PVT1: variants seen among roughly 807,000 people sequenced by gnomAD.
The protein encoded by PVT1 is CXCR4/PVT1 fusion.
chr8:128,007,130 G>A (rs76253991), intron 4 of PVT1, among the ~76,000 whole-genome samples: 1,652 of 152,318 alleles, frequency 0.011, 33 homozygotes, highest in African/African-American at 0.038. Context: ...TAAAAGAGAC[G>A]AAGGGACACG....
intron 2 of PVT1, among the ~76,000 whole-genome samples, chr8:127,874,878 G>A (rs1289479110): frequency 6.6e-6 from 1 of 151,368 alleles, no homozygotes. Context: ...CCCTTCCCTC[G>A]CTCTGCAGTC....
intron 4 of PVT1, among the ~76,000 whole-genome samples, chr8:128,010,004 T>C (rs1012808359): frequency 6.6e-6 from 1 of 152,128 alleles, no homozygotes; most frequent in Admixed American, 6.5e-5. Flanking sequence ...TGCTAAGAGT[T>C]AGAATAGATT....
At position 128,057,222 on chromosome 8, in the gene PVT1, T is replaced by C. The variant is rs929838915; in HGVS notation, n.913-12938T>C. Among the ~76,000 whole-genome samples the C allele has an allele frequency of 3.0e-4, 45 of 152,158 alleles. 1 individual carries two copies. The highest frequency in any genetic ancestry group is 8.2e-4 in the African/African-American group (34 of 41,422). ...CACTAAGAAAATTACAACTGCTCTT[T>C]ATTGAGCATTAATACTGTATACAAA... On this transcript the variant is annotated intron_variant and non_coding_transcript_variant, in intron 4 of 10. Transcript: ENST00000651587.
At chr8:127,973,614 G>C (rs1234111200) in intron 3 of PVT1, among the ~76,000 whole-genome samples, 1 of 151,176 alleles carries the variant, frequency 6.6e-6, no homozygotes, top group Admixed American at 6.6e-5. Context: ...GGTCCCACCT[G>C]ATGGAAAACT....
chr8:127,857,853 A>G (rs1041103680), intron 2 of PVT1, among the ~76,000 whole-genome samples: 3 of 152,238 alleles, frequency 2.0e-5, no homozygotes, highest in Admixed American at 6.5e-5. Flanking sequence ...ATATTAAATC[A>G]TTTGTGTTTT....
At chr8:127,938,095 G>A (rs991611155) in intron 3 of PVT1, among the ~76,000 whole-genome samples, 2 of 152,022 alleles carry the variant, frequency 1.3e-5, no homozygotes, top group African/African-American at 4.8e-5. Context: ...TCCTTGGGAT[G>A]TTCACAAGGA....
At chr8:127,989,608 C>G (rs753595522) in intron 4 of PVT1, among the ~76,000 whole-genome samples, 7 of 152,062 alleles carry the variant, frequency 4.6e-5, no homozygotes, top group African/African-American at 1.7e-4. Context: ...CATGTGGAGA[C>G]AGCCTTGGGG....
chr8:127,881,399 A>G (rs1362211738), intron 2 of PVT1, among the ~76,000 whole-genome samples: 2 of 146,296 alleles, frequency 1.4e-5, no homozygotes, highest in East Asian at 3.9e-4. Flanking sequence ...TTTCTGAGAT[A>G]ATAATAATAA....
intron 3 of PVT1, among the ~76,000 whole-genome samples, chr8:127,977,223 G>A (rs185725609): frequency 1.6e-4 from 24 of 152,168 alleles, no homozygotes; most frequent in Non-Finnish European, 2.8e-4. Context: ...CAGAAATAAG[G>A]ATGTGCAGTA....
At chr8:127,848,195 A>G (rs1193723901) in intron 2 of PVT1, among the ~76,000 whole-genome samples, 1 of 152,224 alleles carries the variant, frequency 6.6e-6, no homozygotes, top group Non-Finnish European at 1.5e-5. Context: ...AGTTCTTATC[A>G]CATGTCAAGG....
At chr8:127,945,265 C>T (rs781670624) in intron 3 of PVT1, among the ~76,000 whole-genome samples, 2 of 152,098 alleles carry the variant, frequency 1.3e-5, no homozygotes, top group Non-Finnish European at 2.9e-5. Flanking sequence ...CTTTCTTGGT[C>T]ACTTATGTGA....
At chr8:127,913,282 A>G (rs1056948879) in intron 3 of PVT1, among the ~76,000 whole-genome samples, 5 of 152,158 alleles carry the variant, frequency 3.3e-5, no homozygotes, top group Admixed American at 2.0e-4. Context: ...CCCATCAGCC[A>G]TGCATTCCTC....
chr8:127,908,403 G>A (rs538810327), intron 3 of PVT1, among the ~76,000 whole-genome samples: 6 of 149,888 alleles, frequency 4.0e-5, no homozygotes, highest in South Asian at 2.1e-4. Flanking sequence ...GTACAGTGGC[G>A]TGATATTGAC....
At chr8:127,904,783 G>A (rs1287989931) in intron 3 of PVT1, among the ~76,000 whole-genome samples, 1 of 152,218 alleles carries the variant, frequency 6.6e-6, no homozygotes, top group Non-Finnish European at 1.5e-5. Flanking sequence ...GGCCAGGCTG[G>A]CTACATAATA....
At chr8:127,930,430 A>G (rs576486090) in intron 3 of PVT1, among the ~76,000 whole-genome samples, 17 of 152,280 alleles carry the variant, frequency 1.1e-4, no homozygotes, top group African/African-American at 4.1e-4. Context: ...AAGTGCTGAG[A>G]TTAGAGGCGT....
intron 3 of PVT1, among the ~76,000 whole-genome samples, chr8:127,915,707 C>G (rs970306003): frequency 6.6e-6 from 1 of 152,000 alleles, no homozygotes; most frequent in Non-Finnish European, 1.5e-5. Context: ...TTCATTAGCC[C>G]CATTCTACAG....
At chr8:127,913,181 C>T (rs777490684) in intron 3 of PVT1, among the ~76,000 whole-genome samples, 4 of 152,194 alleles carry the variant, frequency 2.6e-5, no homozygotes, top group Non-Finnish European at 5.9e-5. Context: ...CTTTGAAGCT[C>T]AGCTCCTTGT....
chr8:128,072,153 G>A (rs1389131044), intron 5 of PVT1, among the ~76,000 whole-genome samples: 1 of 152,152 alleles, frequency 6.6e-6, no homozygotes, highest in East Asian at 1.9e-4. Flanking sequence ...AAAAGCTTCT[G>A]GCTCCGAAAC....
At chr8:127,999,727 G>T (rs571329672) in intron 4 of PVT1, among the ~76,000 whole-genome samples, 9 of 152,356 alleles carry the variant, frequency 5.9e-5, no homozygotes, top group African/African-American at 2.2e-4. Flanking sequence ...CTCCCGAAGT[G>T]CTGGGGTTAC....
Sources: gnomAD v4.1 joint callset for allele counts (sites outside exome capture counted in the v4.1 genomes callset) on GRCh38, gnomAD v4.1.1 for gene constraint, MANE v1.5 for transcripts, NCBI Gene and HGNC (gene_info 2026-07-23, HGNC 2026-07-21) for gene names.